Variants in ADARB2 observed in about 807,000 individuals in gnomAD.
ADARB2 encodes inactive double-stranded RNA-specific editase B2.
In ADARB2, 25 loss-of-function variants were observed where a neutral mutation model predicts 62.2. The ratio of observed to expected loss-of-function variants is 0.40; its 90% confidence interval spans 0.29 to 0.56. ADARB2 has a LOEUF of 0.56. Ranked by LOEUF, ADARB2 falls within the 20% of genes least tolerant of loss-of-function variation. The probability of loss-of-function intolerance (pLI) is 0.43; values close to 1 mark genes in which losing one functional copy is unlikely to be tolerated. For synonymous variants in ADARB2, 572 were observed against 500.8 expected (o/e 1.14, Z -1.90); for missense variants, 1,071 against 1,077.4 (o/e 0.99, Z 0.08).
At chr10:1,221,424 AT>A (rs1830694132) in intron 6 of ADARB2, among the ~76,000 whole-genome samples, 1 of 149,584 alleles carries the variant, frequency 6.7e-6, no homozygotes, top group African/African-American at 2.5e-5. Context: ...TAATTTTATT[AT>A]TATTATTATA....
chr10:1,198,171 T>A (rs1836935582), intron 8 of ADARB2, among the ~76,000 whole-genome samples: 1 of 152,262 alleles, frequency 6.6e-6, no homozygotes, highest in African/African-American at 2.4e-5. Context: ...AGAACATTAC[T>A]ATGCATCCCG....
At chr10:1,600,638 G>A (rs1196334075) in intron 1 of ADARB2, among the ~76,000 whole-genome samples, 1 of 132,106 alleles carries the variant, frequency 7.6e-6, no homozygotes, top group East Asian at 2.2e-4. Context: ...CCCCAGCCTG[G>A]GCAACAGAGT....
intron 1 of ADARB2, among the ~76,000 whole-genome samples, chr10:1,554,939 A>C (rs1432642014): frequency 1.3e-5 from 2 of 152,108 alleles, no homozygotes; most frequent in East Asian, 3.9e-4. Flanking sequence ...GTGAGTATCC[A>C]ATGTTTACCT....
At chr10:1,262,165 A>T (rs1831145333) in intron 4 of ADARB2, among the ~76,000 whole-genome samples, 1 of 116,342 alleles carries the variant, frequency 8.6e-6, no homozygotes, top group African/African-American at 3.5e-5. Flanking sequence ...GGGGGGAGGG[A>T]TAGCATTGGG....
At chr10:1,339,397 GTCAC>G (rs1172142186) in intron 3 of ADARB2, among the ~76,000 whole-genome samples, 1 of 152,240 alleles carries the variant, frequency 6.6e-6, no homozygotes, top group Non-Finnish European at 1.5e-5. Flanking sequence ...TAGGGGAGGA[GTCAC>G]TCAGAGCCTT....
chr10:1,354,983 C>A (rs1564266730), intron 3 of ADARB2, among the ~76,000 whole-genome samples: 1 of 152,222 alleles, frequency 6.6e-6, no homozygotes, highest in South Asian at 2.1e-4. Flanking sequence ...GGAGCCCCTG[C>A]AGGCAGGTGA....
chr10:1,231,775 C>A (rs1188708947), intron 6 of ADARB2, among the ~76,000 whole-genome samples: 2 of 152,128 alleles, frequency 1.3e-5, no homozygotes, highest in African/African-American at 2.4e-5. Context: ...TACAGAGAAC[C>A]GTATCCAGCC....
chr10:1,417,375 C>G lies in ADARB2; in HGVS notation c.101-38215G>C, dbSNP rs538407980. The stretch of plus-strand genomic sequence containing the variant: ...TCAGGAAGTCGGTCAGGGTAGATGA[C>G]CAGGGAGTGCAGCCCAGAGGGTCGG... On this transcript the variant is annotated intron_variant, in intron 1 of 9. Transcript: ENST00000381312. Among the ~76,000 whole-genome samples the G allele has an allele frequency of 2.0e-5, 3 of 152,074 alleles. No homozygotes were observed. In the South Asian group the frequency reaches 6.2e-4, roughly 32 times the overall value.
chr10:1,532,013 C>T (rs75181721), intron 1 of ADARB2, among the ~76,000 whole-genome samples: 3,268 of 152,274 alleles, frequency 0.021, 120 homozygotes, highest in African/African-American at 0.075. Context: ...TGCAAACTTA[C>T]ATCAAATAGT....
At chr10:1,362,901 C>T (rs1323458647) in intron 3 of ADARB2, 127 bp downstream of exon 3, 1 of 935,888 alleles carries the variant, frequency 1.1e-6, no homozygotes, top group Non-Finnish European at 1.4e-6. Context: ...GACATTCTTT[C>T]CCCTCCCGCT....
intron 8 of ADARB2, among the ~76,000 whole-genome samples, chr10:1,191,085 C>T (rs1021125178): frequency 4.0e-5 from 6 of 151,030 alleles, no homozygotes; most frequent in African/African-American, 1.2e-4. Flanking sequence ...GGGGTTTGCA[C>T]GCTCTGGGCC....
Position 1,198,680 on chromosome 10 carries a change from C to T in ADARB2, c.1864+1286G>A, listed in dbSNP as rs139042975. On this transcript the variant is annotated intron_variant, in intron 8 of 9. Coordinates refer to ENST00000381312, the MANE Select transcript of ADARB2 (RefSeq NM_018702.4). ...GGTGTCTCTCGGGCTTGGCTATTAT[C>T]TGTGCCACTCAATGATGTCAGGTGG... Among the ~76,000 whole-genome samples the T allele has an allele frequency of 1.2e-3, 184 of 152,356 alleles. 5 individuals are homozygous for T. In the East Asian group the frequency reaches 0.032, roughly 27 times the overall value.
chr10:1,566,144 G>T (rs1832860800), intron 1 of ADARB2, among the ~76,000 whole-genome samples: 1 of 146,522 alleles, frequency 6.8e-6, no homozygotes, highest in Admixed American at 6.8e-5. Context: ...TGTGTATCTA[G>T]TTGAGAATAT....
chr10:1,532,291 T>A (rs1472416786), intron 1 of ADARB2, among the ~76,000 whole-genome samples: 2 of 152,210 alleles, frequency 1.3e-5, no homozygotes, highest in African/African-American at 4.8e-5. Context: ...CACACTGATT[T>A]TCTTTCTTTT....
intron 1 of ADARB2, among the ~76,000 whole-genome samples, chr10:1,569,694 G>C (rs1463333564): frequency 6.6e-6 from 1 of 151,932 alleles, no homozygotes; most frequent in Non-Finnish European, 1.5e-5. Flanking sequence ...GGTTTAATTG[G>C]CCATAAATTT....
intron 1 of ADARB2, among the ~76,000 whole-genome samples, chr10:1,662,355 A>G (rs1329352755): frequency 6.6e-6 from 1 of 152,196 alleles, no homozygotes; most frequent in African/African-American, 2.4e-5. Flanking sequence ...AACTGAATTC[A>G]GCCAGCGCCC....
At chr10:1,273,704 A>G (rs967658381) in intron 3 of ADARB2, among the ~76,000 whole-genome samples, 1 of 152,164 alleles carries the variant, frequency 6.6e-6, no homozygotes, top group Non-Finnish European at 1.5e-5. Context: ...GGCCTCAGCT[A>G]TCACCTCAGG....
chr10:1,389,252 A>G (rs1832548869), intron 1 of ADARB2, among the ~76,000 whole-genome samples: 1 of 152,202 alleles, frequency 6.6e-6, no homozygotes, highest in African/African-American at 2.4e-5. Flanking sequence ...TAGCTAGGAG[A>G]TAGAAAGCAC....
chr10:1,269,273 C>A (rs1404648674), intron 4 of ADARB2, among the ~76,000 whole-genome samples: 1 of 152,140 alleles, frequency 6.6e-6, no homozygotes, highest in Non-Finnish European at 1.5e-5. Flanking sequence ...GTATGTAATT[C>A]TTTTATAGTT....
Sources: allele counts gnomAD v4.1 joint callset (sites outside exome capture counted in the v4.1 genomes callset), GRCh38; gene constraint gnomAD v4.1.1; transcripts MANE v1.5; gene names NCBI Gene and HGNC (gene_info 2026-07-23, HGNC 2026-07-21).